SEMA3A: variants seen among roughly 807,000 people sequenced by gnomAD.
SEMA3A encodes the protein semaphorin-3A.
A neutral mutation model predicts 97.9 loss-of-function variants in SEMA3A; 29 were observed. That is an observed-to-expected ratio of 0.30 (90% CI 0.22 to 0.40). SEMA3A has a LOEUF of 0.40. Ranked by LOEUF, SEMA3A falls within the 10% of genes least tolerant of loss-of-function variation. The pLI is 1.00. For missense variants in SEMA3A, 763 were observed against 951.3 expected (o/e 0.80, Z 2.60); for synonymous variants, 321 against 323.7 (o/e 0.99, Z 0.09).
chr7:84,005,647 T>C (rs1033226764), intron 10 of SEMA3A, 89 bp from the exon 11 acceptor site: 8 of 926,874 alleles, frequency 8.6e-6, no homozygotes, highest in African/African-American at 3.3e-5. Context: ...TCAATGGTTC[T>C]ACTTAAAATA....
At chr7:84,345,607 T>C (rs1802280113) in intron 2 of SEMA3A, among the ~76,000 whole-genome samples, 1 of 152,044 alleles carries the variant, frequency 6.6e-6, no homozygotes, top group Non-Finnish European at 1.5e-5. Context: ...TCACCAGGAG[T>C]AGATTTATAC....
intron 3 of SEMA3A, among the ~76,000 whole-genome samples, chr7:84,297,104 A>T (rs1170191575): frequency 6.6e-6 from 1 of 152,132 alleles, no homozygotes; most frequent in Non-Finnish European, 1.5e-5. Context: ...CAGCCTGCTG[A>T]GTAGCTGGGA....
intron 3 of SEMA3A, among the ~76,000 whole-genome samples, chr7:84,212,066 G>C (rs1282796974): frequency 6.6e-6 from 1 of 152,182 alleles, no homozygotes; most frequent in Admixed American, 6.5e-5. Context: ...AGCATTGCAT[G>C]TACTATTTGA....
At chr7:83,999,515 A>G (rs1790354059) in intron 12 of SEMA3A, among the ~76,000 whole-genome samples, 1 of 152,150 alleles carries the variant, frequency 6.6e-6, no homozygotes, top group Non-Finnish European at 1.5e-5. Context: ...TAATAGGTAG[A>G]AAATTAAGTC....
intron 4 of SEMA3A, among the ~76,000 whole-genome samples, chr7:84,084,618 C>G (rs1794273245): frequency 6.6e-6 from 1 of 152,078 alleles, no homozygotes; most frequent in South Asian, 2.1e-4. Flanking sequence ...AATTCCTATT[C>G]TATTTTGTTT....
intron 2 of SEMA3A, among the ~76,000 whole-genome samples, chr7:84,131,105 T>C (rs1474714144): frequency 6.6e-6 from 1 of 151,420 alleles, no homozygotes; most frequent in Non-Finnish European, 1.5e-5. Flanking sequence ...CCAGGGTTAA[T>C]AATAATAATA....
chr7:84,123,508 T>C (rs1795693128), intron 3 of SEMA3A, among the ~76,000 whole-genome samples: 1 of 151,836 alleles, frequency 6.6e-6, no homozygotes, highest in African/African-American at 2.4e-5. Flanking sequence ...CATATTAATA[T>C]GATGATTTGT....
chr7:84,404,892 A>G (rs1246266925), intron 1 of SEMA3A, among the ~76,000 whole-genome samples: 3 of 152,172 alleles, frequency 2.0e-5, no homozygotes, highest in African/African-American at 7.2e-5. Context: ...CTCCTGAAGG[A>G]AGCACTAAAC....
At chr7:84,405,902 T>C (rs1286332886) in intron 1 of SEMA3A, among the ~76,000 whole-genome samples, 1 of 152,144 alleles carries the variant, frequency 6.6e-6, no homozygotes, top group African/African-American at 2.4e-5. Flanking sequence ...CAAAGCAGTA[T>C]GTAGAGGGAA....
chr7:84,477,709 G>A (rs960608262), intron 1 of SEMA3A, among the ~76,000 whole-genome samples: 1 of 152,100 alleles, frequency 6.6e-6, no homozygotes, highest in Non-Finnish European at 1.5e-5. Context: ...ACAAAATAAA[G>A]AATGAAACAG....
intron 1 of SEMA3A, among the ~76,000 whole-genome samples, chr7:84,179,704 T>C (rs1797679433): frequency 1.3e-5 from 2 of 152,122 alleles, no homozygotes; most frequent in African/African-American, 4.8e-5. Context: ...TGCACAATCA[T>C]ACTTAATACA....
At chr7:84,448,829 G>C (rs1169325537) in intron 1 of SEMA3A, among the ~76,000 whole-genome samples, 1 of 151,014 alleles carries the variant, frequency 6.6e-6, no homozygotes, top group Admixed American at 6.6e-5. Context: ...GCACAAAAAA[G>C]CTCCAATACC....
intron 4 of SEMA3A, among the ~76,000 whole-genome samples, chr7:84,093,576 C>T (rs974958035): frequency 6.6e-6 from 1 of 151,994 alleles, no homozygotes; most frequent in South Asian, 2.1e-4. Context: ...ACAAGACATA[C>T]AATGTAGTAT....
chr7:84,196,472 GA>G (rs1203506580), upstream of SEMA3A, among the ~76,000 whole-genome samples: 5 of 152,102 alleles, frequency 3.3e-5, no homozygotes, highest in Non-Finnish European at 5.9e-5. Flanking sequence ...GGAGAATGGG[GA>G]AAAGGGAGTA....
At chr7:84,411,567 T>TTATATATATATATATATA (rs60469024) in intron 1 of SEMA3A, among the ~76,000 whole-genome samples, 2 of 149,176 alleles carry the variant, frequency 1.3e-5, no homozygotes, top group African/African-American at 4.9e-5. Flanking sequence ...TTGGGTATAA[T>TTATATATATATATATATA]TATATATATA....
At chr7:84,166,611 G>T (rs1284098152) in intron 1 of SEMA3A, among the ~76,000 whole-genome samples, 2 of 149,898 alleles carry the variant, frequency 1.3e-5, no homozygotes, top group African/African-American at 4.9e-5. Context: ...AGTGGCTCAC[G>T]CCTGTAATCC....
intron 3 of SEMA3A, among the ~76,000 whole-genome samples, chr7:84,230,075 A>G (rs180783397): frequency 1.1e-3 from 174 of 151,938 alleles, no homozygotes; most frequent in African/African-American, 3.9e-3. Context: ...CTTATTTTAA[A>G]TCTCTGGCAT....
At chr7:84,378,606 T>C (rs1228317279) in intron 1 of SEMA3A, among the ~76,000 whole-genome samples, 1 of 152,026 alleles carries the variant, frequency 6.6e-6, no homozygotes, top group African/African-American at 2.4e-5. Flanking sequence ...ATACCTAATG[T>C]AGATGATGGG....
intron 3 of SEMA3A, among the ~76,000 whole-genome samples, chr7:84,280,880 A>G (rs1467955852): frequency 1.3e-5 from 2 of 152,204 alleles, no homozygotes; most frequent in African/African-American, 2.4e-5. Flanking sequence ...GATCTTTCAC[A>G]TAGTATATCA....
Sources: gnomAD v4.1 joint callset for allele counts (sites outside exome capture counted in the v4.1 genomes callset) on GRCh38, gnomAD v4.1.1 for gene constraint, MANE v1.5 for transcripts, NCBI Gene and HGNC (gene_info 2026-07-23, HGNC 2026-07-21) for gene names.